The following KCTD8 variants were observed in gnomAD, a reference collection of about 807,000 sequenced individuals.
The protein encoded by KCTD8 is potassium channel tetramerization domain containing 8.
Under a neutral mutation model 31.5 loss-of-function variants are expected in KCTD8, and 27 were observed. The observed-to-expected ratio is 0.86, with a 90% confidence interval of 0.63 to 1.18. KCTD8 has a LOEUF of 1.18. KCTD8 is among the 50% of genes most tolerant of loss of function. The pLI is 0.00. For synonymous variants in KCTD8, 290 were observed against 280.0 expected, an observed-to-expected ratio of 1.04 and a Z score of -0.36; for missense variants, 658 against 647.7, an observed-to-expected ratio of 1.02 and a Z score of -0.17.
intron 1 of KCTD8, among the ~76,000 whole-genome samples, chr4:44,362,501 A>G (rs991618064): frequency 6.6e-6 from 1 of 152,094 alleles, no homozygotes; most frequent in African/African-American, 2.4e-5. Flanking sequence ...TAATAATATG[A>G]GCAGGGTAGC....
chr4:44,297,132 A>G (rs1404759947), intron 1 of KCTD8, among the ~76,000 whole-genome samples: 1 of 152,130 alleles, frequency 6.6e-6, no homozygotes, highest in East Asian at 1.9e-4. Flanking sequence ...CCAACACATA[A>G]AGCCTGCCAC....
intron 1 of KCTD8, among the ~76,000 whole-genome samples, chr4:44,282,884 G>T (rs1032603395): frequency 6.6e-6 from 1 of 151,970 alleles, no homozygotes; most frequent in African/African-American, 2.4e-5. Flanking sequence ...AGAGTTTGGT[G>T]CATGAGGTTT....
chr4:44,217,930 G>A (rs1339380967), intron 1 of KCTD8, among the ~76,000 whole-genome samples: 2 of 151,918 alleles, frequency 1.3e-5, no homozygotes, highest in Non-Finnish European at 2.9e-5. Context: ...TTCTCCCTCA[G>A]CTTTCAGATG....
At chr4:44,361,722 T>G (rs577217740) in intron 1 of KCTD8, among the ~76,000 whole-genome samples, 13 of 152,240 alleles carry the variant, frequency 8.5e-5, no homozygotes, top group African/African-American at 2.9e-4. Context: ...TTGATCTCTA[T>G]GAGAGGTAAT....
intron 1 of KCTD8, among the ~76,000 whole-genome samples, chr4:44,209,711 G>C: frequency 6.6e-6 from 1 of 152,126 alleles, no homozygotes. Context: ...TGATTACTCA[G>C]TTCATTGTGT....
chr4:44,236,695 G>A (rs544748998), intron 1 of KCTD8, among the ~76,000 whole-genome samples: 2 of 152,216 alleles, frequency 1.3e-5, no homozygotes, highest in South Asian at 4.2e-4. Flanking sequence ...GGACCAAGAG[G>A]ATGAACTCAG....
chr4:44,244,452 C>T (rs1456181204), intron 1 of KCTD8, among the ~76,000 whole-genome samples: 1 of 152,142 alleles, frequency 6.6e-6, no homozygotes, highest in Non-Finnish European at 1.5e-5. Flanking sequence ...GTTGCTCTAA[C>T]ATTCTCCTGC....
intron 1 of KCTD8, among the ~76,000 whole-genome samples, chr4:44,188,016 A>C (rs535578805): frequency 1.6e-4 from 24 of 152,058 alleles, no homozygotes; most frequent in African/African-American, 5.1e-4. Flanking sequence ...CACACACAAA[A>C]AAAAAACAGT....
intron 1 of KCTD8, among the ~76,000 whole-genome samples, chr4:44,366,428 C>G (rs1719638468): frequency 6.6e-6 from 1 of 152,174 alleles, no homozygotes; most frequent in Admixed American, 6.5e-5. Context: ...TCCCCCTTCG[C>G]TCTCTCTATT....
rs150127424 is a variant in KCTD8 at position 44,287,900 on chromosome 4, G to A, written c.962-112650C>T. ...GCATTCATTCAAGGAATCCACAGTC[G>A]ACTTGTATGTAGATGGTTATACAAT... On this transcript the variant is annotated intron_variant, in intron 1 of 1. Coordinates refer to ENST00000360029, the MANE Select transcript of KCTD8 (RefSeq NM_198353.3). 5.2e-3 allele frequency among the ~76,000 whole-genome samples: 795 copies of A among 152,166 alleles called. 12 individuals are homozygous for A. Among genetic ancestry groups the A allele is most frequent in the African/African-American group, 0.018 (737 of 41,528 alleles).
intron 1 of KCTD8, among the ~76,000 whole-genome samples, chr4:44,267,442 G>A (rs1716416337): frequency 6.6e-6 from 1 of 151,964 alleles, no homozygotes; most frequent in Non-Finnish European, 1.5e-5. Flanking sequence ...AGAGAAAGCA[G>A]GAAAGATCCA....
intron 1 of KCTD8, among the ~76,000 whole-genome samples, chr4:44,265,356 C>A (rs1379478929): frequency 1.3e-5 from 2 of 152,122 alleles, no homozygotes; most frequent in African/African-American, 4.8e-5. Context: ...GGAAAACTAA[C>A]AAACAGAAAG....
chr4:44,253,920 G>C (rs1172255351), intron 1 of KCTD8, among the ~76,000 whole-genome samples: 1 of 151,930 alleles, frequency 6.6e-6, no homozygotes, highest in Non-Finnish European at 1.5e-5. Flanking sequence ...TGTACTGATA[G>C]TGAGCAGAAG....
intron 1 of KCTD8, among the ~76,000 whole-genome samples, chr4:44,407,463 C>T (rs1420902353): frequency 2.0e-5 from 3 of 151,426 alleles, no homozygotes; most frequent in Non-Finnish European, 2.9e-5. Flanking sequence ...CTCGGCTCAC[C>T]GCAACCTCCA....
chr4:44,395,493 G>A (rs1009067615), intron 1 of KCTD8, among the ~76,000 whole-genome samples: 2 of 152,072 alleles, frequency 1.3e-5, no homozygotes, highest in East Asian at 1.9e-4. Context: ...CCAGCACCAT[G>A]AGGATTCTGG....
At chr4:44,237,501 C>G (rs1715328004) in intron 1 of KCTD8, among the ~76,000 whole-genome samples, 1 of 152,142 alleles carries the variant, frequency 6.6e-6, no homozygotes, top group Non-Finnish European at 1.5e-5. Context: ...AGAAAACTGT[C>G]AGGAAGACCA....
chr4:44,191,280 C>T (rs1295478909), intron 1 of KCTD8, among the ~76,000 whole-genome samples: 1 of 152,068 alleles, frequency 6.6e-6, no homozygotes, highest in Non-Finnish European at 1.5e-5. Context: ...TGTTTGTCAC[C>T]TCAGGACCCT....
chr4:44,215,506 T>C (rs1326936852), intron 1 of KCTD8, among the ~76,000 whole-genome samples: 1 of 152,170 alleles, frequency 6.6e-6, no homozygotes. Flanking sequence ...AACTTATCAG[T>C]TGTAATTGAA....
At chr4:44,409,383 T>C (rs902938734) in intron 1 of KCTD8, among the ~76,000 whole-genome samples, 3 of 152,070 alleles carry the variant, frequency 2.0e-5, no homozygotes, top group African/African-American at 7.2e-5. Flanking sequence ...TTTTACACTG[T>C]ATAAATCTGT....
Sources: gnomAD v4.1 joint callset for allele counts (sites outside exome capture counted in the v4.1 genomes callset) on GRCh38, gnomAD v4.1.1 for gene constraint, MANE v1.5 for transcripts, NCBI Gene and HGNC (gene_info 2026-07-23, HGNC 2026-07-21) for gene names.